Variants in SUMF1 observed in about 807,000 individuals in gnomAD.
The protein encoded by SUMF1 is formylglycine-generating enzyme.
SUMF1 carries 48 observed loss-of-function variants against 47.6 expected under a neutral mutation model. That is an observed-to-expected ratio of 1.01 (90% CI 0.80 to 1.28). The LOEUF (loss-of-function observed/expected upper bound fraction) is 1.28. Among genes scored for constraint, SUMF1 ranks in the 50% most tolerant of loss-of-function variants. SUMF1 has a pLI of 0.00. For synonymous variants in SUMF1, 230 were observed against 192.1 expected (o/e 1.20, Z -1.63); for missense variants, 571 against 485.4 (o/e 1.18, Z -1.66).
At chr3:4,125,305 C>T (rs1288541580) in intron 8 of SUMF1, among the ~76,000 whole-genome samples, 1 of 152,050 alleles carries the variant, frequency 6.6e-6, no homozygotes, top group Non-Finnish European at 1.5e-5. Context: ...TACCGGACAG[C>T]ACAGATATAG....
At chr3:4,234,236 A>G (rs1481659538) in intron 8 of SUMF1, among the ~76,000 whole-genome samples, 1 of 151,720 alleles carries the variant, frequency 6.6e-6, no homozygotes, top group Non-Finnish European at 1.5e-5. Context: ...TTGAATAATT[A>G]TATAATTTTT....
chr3:4,373,983 T>A (rs1397424997), intron 8 of SUMF1, among the ~76,000 whole-genome samples: 1 of 107,906 alleles, frequency 9.3e-6, no homozygotes, highest in African/African-American at 2.6e-5. Flanking sequence ...AAAATCTACA[T>A]CCATTGCTGA....
At chr3:4,253,888 G>A (rs913731499) in intron 8 of SUMF1, among the ~76,000 whole-genome samples, 10 of 150,004 alleles carry the variant, frequency 6.7e-5, no homozygotes, top group Admixed American at 2.6e-4. Flanking sequence ...AGAGAGCAGT[G>A]GTTCTCCCAG....
At chr3:4,129,106 A>G (rs994008246) in intron 8 of SUMF1, among the ~76,000 whole-genome samples, 3 of 152,186 alleles carry the variant, frequency 2.0e-5, no homozygotes, top group African/African-American at 7.2e-5. Context: ...AATGCCTTGC[A>G]AAACAGATTC....
intron 8 of SUMF1, among the ~76,000 whole-genome samples, chr3:4,096,998 T>C (rs1692920169): frequency 6.6e-6 from 1 of 152,160 alleles, no homozygotes; most frequent in South Asian, 2.1e-4. Flanking sequence ...TAAACATGTC[T>C]GTTGATTACA....
chr3:4,102,002 C>T (rs570669183), intron 8 of SUMF1, among the ~76,000 whole-genome samples: 12 of 151,968 alleles, frequency 7.9e-5, no homozygotes, highest in South Asian at 4.2e-4. Context: ...GGGGAAGCCC[C>T]GTAAAAAAGC....
At chr3:4,035,876 G>A (rs1207622522) in intron 9 of SUMF1, among the ~76,000 whole-genome samples, 1 of 7,516 alleles carries the variant, frequency 1.3e-4, no homozygotes, top group Non-Finnish European at 6.7e-4. Flanking sequence ...TGTGCTTTGT[G>A]AGATATGTTA....
At chr3:4,171,044 C>T (rs572023016) in intron 8 of SUMF1, among the ~76,000 whole-genome samples, 4 of 152,266 alleles carry the variant, frequency 2.6e-5, no homozygotes, top group South Asian at 2.1e-4. Flanking sequence ...GACTCTAACA[C>T]GAAGACTTCA....
intron 8 of SUMF1, among the ~76,000 whole-genome samples, chr3:4,247,853 G>A (rs1184124957): frequency 2.0e-5 from 3 of 152,200 alleles, no homozygotes; most frequent in African/African-American, 4.8e-5. Context: ...AAAACAAAAT[G>A]TCTCAGTTCC....
At chr3:4,310,394 C>A (rs1698358260) in intron 8 of SUMF1, among the ~76,000 whole-genome samples, 1 of 152,116 alleles carries the variant, frequency 6.6e-6, no homozygotes. Flanking sequence ...AAGTCATTAT[C>A]ATCTGAAATG....
chr3:4,325,702 A>G (rs1317352929), intron 8 of SUMF1, among the ~76,000 whole-genome samples: 1 of 152,150 alleles, frequency 6.6e-6, no homozygotes, highest in Non-Finnish European at 1.5e-5. Context: ...GGCTTTAAGG[A>G]AAGCACAGTT....
rs1028512357 is a variant in SUMF1 at position 4,415,329 on chromosome 3, A to C, written c.840+1799T>G. On this transcript the variant is annotated intron_variant, in intron 6 of 8. Transcript: ENST00000272902. ...GCCATCACCTGTGTCTTTGGAATGG[A>C]GCTCATTTCAAATGAGCATATGATT... Among the ~76,000 whole-genome samples, 6 of 152,126 alleles carry C rather than the reference A, an allele frequency of 3.9e-5. No homozygotes were observed. The East Asian group carries it at 5.8e-4, about 15-fold the overall frequency.
intron 8 of SUMF1, among the ~76,000 whole-genome samples, chr3:4,142,665 G>A (rs973072599): frequency 6.6e-6 from 1 of 151,984 alleles, no homozygotes; most frequent in Non-Finnish European, 1.5e-5. Context: ...GGTACCTTGG[G>A]AATCAGGGAA....
chr3:4,059,635 G>A (rs113934802), intron 9 of SUMF1, among the ~76,000 whole-genome samples: 1 of 152,116 alleles, frequency 6.6e-6, no homozygotes, highest in African/African-American at 2.4e-5. Context: ...TACTGTTACT[G>A]AGTATACGCA....
intron 8 of SUMF1, among the ~76,000 whole-genome samples, chr3:4,209,808 T>C (rs578172974): frequency 8.5e-5 from 13 of 152,260 alleles, no homozygotes; most frequent in African/African-American, 2.4e-4. Flanking sequence ...TCAAACTATG[T>C]ATAAGATCAC....
intron 8 of SUMF1, among the ~76,000 whole-genome samples, chr3:4,219,876 G>A (rs1443413347): frequency 6.6e-6 from 1 of 152,150 alleles, no homozygotes; most frequent in African/African-American, 2.4e-5. Flanking sequence ...ACAGCTTTCA[G>A]CAATGAAAAT....
chr3:4,118,090 G>A (rs1218308899), intron 8 of SUMF1, among the ~76,000 whole-genome samples: 1 of 152,012 alleles, frequency 6.6e-6, no homozygotes, highest in Non-Finnish European at 1.5e-5. Context: ...AGATAATAGG[G>A]TAGGGTAAAT....
intron 8 of SUMF1, among the ~76,000 whole-genome samples, chr3:4,269,367 G>A (rs1049058149): frequency 2.6e-5 from 4 of 152,050 alleles, no homozygotes; most frequent in South Asian, 2.1e-4. Flanking sequence ...AAATGTTTGC[G>A]CTTCATAATT....
At position 4,140,659 on chromosome 3, in the gene SUMF1, T is replaced by C. The variant is rs118052424; in HGVS notation, c.1015-71914A>G. Among the ~76,000 whole-genome samples, 320 of 152,166 alleles carry C rather than the reference T, an allele frequency of 2.1e-3. 2 individuals are homozygous for C. In the East Asian group the frequency reaches 0.023, roughly 11 times the overall value. ...TTTACCTAATTTTTGTACTTACTTC[T>C]TCCTTGAAACAATGTGACACTACTT... On this transcript the variant is annotated intron_variant and NMD_transcript_variant, in intron 8 of 12. Transcript: ENST00000448413.
Sources: gnomAD v4.1 joint callset for allele counts (sites outside exome capture counted in the v4.1 genomes callset) on GRCh38, gnomAD v4.1.1 for gene constraint, MANE v1.5 for transcripts, NCBI Gene and HGNC (gene_info 2026-07-23, HGNC 2026-07-21) for gene names.